LRRTM4: variants seen among roughly 807,000 people sequenced by gnomAD.
LRRTM4 encodes leucine-rich repeat transmembrane neuronal protein 4.
In LRRTM4, 25 loss-of-function variants were observed where a neutral mutation model predicts 47.6. The ratio of observed to expected loss-of-function variants is 0.53; its 90% confidence interval spans 0.38 to 0.73. The LOEUF (loss-of-function observed/expected upper bound fraction) is 0.73. Among genes scored for constraint, LRRTM4 ranks in the 30% least tolerant of loss-of-function variants. The pLI is 0.00. For missense variants in LRRTM4, 638 were observed against 713.4 expected (o/e 0.89, Z 1.20); for synonymous variants, 311 against 269.5 (o/e 1.15, Z -1.51).
At chr2:77,432,070 C>G (rs1675399074) in intron 3 of LRRTM4, among the ~76,000 whole-genome samples, 1 of 151,868 alleles carries the variant, frequency 6.6e-6, no homozygotes, top group Admixed American at 6.6e-5. Context: ...GAGACTCCAT[C>G]TCAAAAAAAG....
intron 3 of LRRTM4, among the ~76,000 whole-genome samples, chr2:76,973,459 A>G (rs1403291098): frequency 6.6e-6 from 1 of 151,960 alleles, no homozygotes; most frequent in Non-Finnish European, 1.5e-5. Flanking sequence ...TTTAACATGT[A>G]CACTTTCCTG....
At chr2:77,479,675 T>C (rs1031595672) in intron 3 of LRRTM4, among the ~76,000 whole-genome samples, 2 of 152,120 alleles carry the variant, frequency 1.3e-5, no homozygotes, top group African/African-American at 4.8e-5. Flanking sequence ...TTGTGGCATT[T>C]CCTTCTCTCT....
At chr2:77,480,831 GAGAGA>G (rs1558763583) in intron 3 of LRRTM4, among the ~76,000 whole-genome samples, 28 of 54,832 alleles carry the variant, frequency 5.1e-4, no homozygotes, top group South Asian at 3.0e-3. Flanking sequence ...TGGAGAGAGA[GAGAGA>G]GAGAGAGAGA....
At chr2:77,221,522 A>C (rs1423018091) in intron 3 of LRRTM4, among the ~76,000 whole-genome samples, 3 of 152,190 alleles carry the variant, frequency 2.0e-5, no homozygotes, top group Non-Finnish European at 2.9e-5. Context: ...TCTACCAAGC[A>C]AATGGAAAAC....
chr2:77,351,081 G>A (rs1345398897), intron 3 of LRRTM4, among the ~76,000 whole-genome samples: 1 of 152,024 alleles, frequency 6.6e-6, no homozygotes, highest in African/African-American at 2.4e-5. Flanking sequence ...CACCCCGTAT[G>A]CTCATGTAGG....
intron 3 of LRRTM4, among the ~76,000 whole-genome samples, chr2:77,369,721 G>A (rs1286619410): frequency 2.0e-5 from 3 of 151,562 alleles, no homozygotes; most frequent in Admixed American, 1.3e-4. Context: ...AAACCTAAAT[G>A]GTAGAGCCTA....
chr2:77,157,356 A>G (rs1338131534), intron 3 of LRRTM4, among the ~76,000 whole-genome samples: 1 of 152,200 alleles, frequency 6.6e-6, no homozygotes, highest in African/African-American at 2.4e-5. Flanking sequence ...TAGTTAGAAT[A>G]AGCTCAGTAG....
intron 3 of LRRTM4, among the ~76,000 whole-genome samples, chr2:77,029,458 G>A (rs190499590): frequency 1.3e-3 from 194 of 151,698 alleles, no homozygotes; most frequent in African/African-American, 4.5e-3. Context: ...GGAGTCTGAT[G>A]TTCGAGAGCA....
intron 3 of LRRTM4, among the ~76,000 whole-genome samples, chr2:76,901,606 A>T (rs1206186473): frequency 1.3e-5 from 2 of 152,122 alleles, no homozygotes; most frequent in Non-Finnish European, 2.9e-5. Context: ...AAAAATTTTT[A>T]AAGACTTTTC....
chr2:77,113,161 G>C (rs1207353668), intron 3 of LRRTM4, among the ~76,000 whole-genome samples: 2 of 152,076 alleles, frequency 1.3e-5, no homozygotes, highest in East Asian at 3.9e-4. Context: ...CCTGTGAGCT[G>C]AGCCTGAGTA....
At chr2:77,514,069 C>T (rs1241242356) in intron 3 of LRRTM4, among the ~76,000 whole-genome samples, 1 of 151,626 alleles carries the variant, frequency 6.6e-6, no homozygotes, top group African/African-American at 2.4e-5. Context: ...CACACACACA[C>T]ATATATATAT....
intron 3 of LRRTM4, among the ~76,000 whole-genome samples, chr2:77,211,694 T>C (rs1366562687): frequency 6.6e-6 from 1 of 152,160 alleles, no homozygotes; most frequent in African/African-American, 2.4e-5. Flanking sequence ...CCATGATCAA[T>C]TTAATGCCAG....
intron 3 of LRRTM4, among the ~76,000 whole-genome samples, chr2:77,094,191 AC>A: frequency 6.6e-6 from 1 of 152,226 alleles, no homozygotes; most frequent in Non-Finnish European, 1.5e-5. Flanking sequence ...TAATAGCAAC[AC>A]AAAATATAAA....
intron 3 of LRRTM4, among the ~76,000 whole-genome samples, chr2:77,292,361 G>A (rs1676849418): frequency 6.6e-6 from 1 of 151,238 alleles, no homozygotes; most frequent in Non-Finnish European, 1.5e-5. Flanking sequence ...ATACCCAAAG[G>A]ACTATAAATC....
intron 3 of LRRTM4, among the ~76,000 whole-genome samples, chr2:76,877,377 ATT>A (rs5832259): frequency 6.6e-6 from 1 of 150,492 alleles, no homozygotes; most frequent in East Asian, 1.9e-4. Context: ...AATTTCTGAG[ATT>A]TTTTTTTTCA....
At chr2:76,951,289 A>T (rs910613863) in intron 3 of LRRTM4, among the ~76,000 whole-genome samples, 2 of 152,050 alleles carry the variant, frequency 1.3e-5, no homozygotes, top group Admixed American at 6.6e-5. Context: ...TGAAAGACGT[A>T]TAATGATTAG....
intron 3 of LRRTM4, among the ~76,000 whole-genome samples, chr2:77,446,601 T>C (rs1422790611): frequency 1.3e-5 from 2 of 152,068 alleles, no homozygotes; most frequent in Non-Finnish European, 2.9e-5. Context: ...CATAAACTCA[T>C]ACCTTTTTTG....
rs539655248 is a variant in LRRTM4, at chr2:76,906,511, G to A, written c.1552-157595C>T. Among the ~76,000 whole-genome samples, 10 of 152,082 alleles carry A rather than the reference G, an allele frequency of 6.6e-5. No individual in the cohort carries two copies. The South Asian group carries it at 1.9e-3, about 28-fold the overall frequency. The stretch of plus-strand genomic sequence containing the variant: ...ACACATAAGAATATTAACTTTAAAT[G>A]TAAATGGACTAAATGCTCCAATCAA... On this transcript the variant is annotated intron_variant, in intron 3 of 3. Transcript: ENST00000409884.
At chr2:77,189,768 T>TGTAC (rs1303266224) in intron 3 of LRRTM4, among the ~76,000 whole-genome samples, 2 of 151,986 alleles carry the variant, frequency 1.3e-5, no homozygotes, top group African/African-American at 2.4e-5. Context: ...TATATATACA[T>TGTAC]ATACACACAC....
Sources: gnomAD v4.1 joint callset for allele counts (sites outside exome capture counted in the v4.1 genomes callset) on GRCh38, gnomAD v4.1.1 for gene constraint, MANE v1.5 for transcripts, NCBI Gene and HGNC (gene_info 2026-07-23, HGNC 2026-07-21) for gene names.